KCNH7: variants seen among roughly 807,000 people sequenced by gnomAD.
KCNH7 encodes potassium voltage-gated channel subfamily H member 7, also known as voltage-gated inwardly rectifying potassium channel KCNH7.
Under a neutral mutation model 120.8 loss-of-function variants are expected in KCNH7, and 49 were observed. That is an observed-to-expected ratio of 0.41 (90% CI 0.32 to 0.51). The LOEUF (loss-of-function observed/expected upper bound fraction) is 0.51, where lower values mean the gene tolerates loss of function less well. Among genes scored for constraint, KCNH7 ranks in the 20% least tolerant of loss-of-function variants. KCNH7 has a pLI of 0.38. For synonymous variants in KCNH7, 547 were observed against 516.1 expected, an observed-to-expected ratio of 1.06 and a Z score of -0.81; for missense variants, 1,097 against 1,446.6, an observed-to-expected ratio of 0.76 and a Z score of 3.92.
chr2:162,494,610 A>G (rs751524707), intron 6 of KCNH7, among the ~76,000 whole-genome samples: 8 of 152,182 alleles, frequency 5.3e-5, no homozygotes, highest in Non-Finnish European at 1.0e-4. Context: ...AACCTATTGT[A>G]AACTACAGAA....
chr2:162,721,248 C>T (rs1192775458), intron 2 of KCNH7, among the ~76,000 whole-genome samples: 1 of 152,046 alleles, frequency 6.6e-6, no homozygotes, highest in African/African-American at 2.4e-5. Context: ...TTTAAAATGA[C>T]TTTAATTTTA....
In KCNH7 at chr2:162,791,790, T is replaced by G. The variant is rs1156328043; in HGVS notation, c.307+44747A>C. ...CCTTTACTTCTTTCCCTTGGCTGAT[T>G]GCCCTAGCCAGGACTTCCAATGCTA... On this transcript the variant is annotated intron_variant, in intron 2 of 15. Transcript: ENST00000332142. 2.0e-5 allele frequency among the ~76,000 whole-genome samples: 3 copies of G among 152,142 alleles called. No individual in the cohort carries two copies. In the East Asian group the frequency reaches 5.8e-4, roughly 29 times the overall value.
intron 7 of KCNH7, among the ~76,000 whole-genome samples, chr2:162,436,630 G>A (rs140636397): frequency 6.6e-6 from 1 of 152,192 alleles, no homozygotes; most frequent in East Asian, 1.9e-4. Context: ...GTTACATGGT[G>A]TTTACCAATC....
chr2:162,578,826 TATG>T (rs1387585482), intron 2 of KCNH7, among the ~76,000 whole-genome samples: 1 of 152,000 alleles, frequency 6.6e-6, no homozygotes, highest in African/African-American at 2.4e-5. Flanking sequence ...ATGAACATCT[TATG>T]AGGAAAATCC....
At position 162,811,900 on chromosome 2, in the gene KCNH7, A is replaced by T. The variant is rs552815944; in HGVS notation, c.307+24637T>A. Among the ~76,000 whole-genome samples the T allele has an allele frequency of 4.5e-4, 68 of 152,256 alleles. 1 individual carries two copies. The South Asian group carries it at 0.014, about 31-fold the overall frequency. On this transcript the variant is annotated intron_variant, in intron 2 of 15. Transcript: ENST00000332142. The stretch of plus-strand genomic sequence containing the variant: ...TGGATGGGGTGAAGTATAAAGGGAT[A>T]AAAAAATTAGATAAATTGGGCCTCT...
chr2:162,570,847 T>C (rs993014349), intron 2 of KCNH7, among the ~76,000 whole-genome samples: 1 of 152,012 alleles, frequency 6.6e-6, no homozygotes, highest in Non-Finnish European at 1.5e-5. Context: ...ATTCAACAAC[T>C]CTTCATGCTA....
chr2:162,786,805 T>A (rs2105507947), intron 2 of KCNH7, among the ~76,000 whole-genome samples: 1 of 152,276 alleles, frequency 6.6e-6, no homozygotes, highest in East Asian at 1.9e-4. Context: ...CATGGTGGAA[T>A]AGGAGTTTCC....
intron 2 of KCNH7, among the ~76,000 whole-genome samples, chr2:162,784,178 A>AT (rs1255544134): frequency 1.3e-5 from 2 of 152,162 alleles, no homozygotes; most frequent in African/African-American, 4.8e-5. Context: ...ATGAAAAAAA[A>AT]ATATGCTACT....
chr2:162,762,601 T>G (rs112105520), intron 2 of KCNH7, among the ~76,000 whole-genome samples: 46 of 152,166 alleles, frequency 3.0e-4, no homozygotes, highest in African/African-American at 1.1e-3. Context: ...CATTTAGAAC[T>G]CAGTCTATAT....
intron 2 of KCNH7, among the ~76,000 whole-genome samples, chr2:162,819,554 T>TG (rs1467492122): frequency 1.3e-5 from 2 of 152,220 alleles, no homozygotes; most frequent in African/African-American, 2.4e-5. Flanking sequence ...TTAATTAAAA[T>TG]GATACTAGTA....
chr2:162,515,394 T>A (rs1311650586), intron 4 of KCNH7, among the ~76,000 whole-genome samples: 2 of 151,760 alleles, frequency 1.3e-5, no homozygotes, highest in Non-Finnish European at 2.9e-5. Context: ...TCAAGAAATC[T>A]AATCTAAACT....
intron 2 of KCNH7, among the ~76,000 whole-genome samples, chr2:162,589,142 G>C (rs1202745287): frequency 6.6e-6 from 1 of 152,090 alleles, no homozygotes; most frequent in African/African-American, 2.4e-5. Context: ...AATGCAACTA[G>C]AATTCCAAAT....
At chr2:162,607,141 C>G (rs182144759) in intron 2 of KCNH7, among the ~76,000 whole-genome samples, 280 of 150,832 alleles carry the variant, frequency 1.9e-3, no homozygotes, top group African/African-American at 6.6e-3. Context: ...CTCTGGGAGG[C>G]CGAGGAGGGC....
At chr2:162,488,774 G>A (rs1485978) in intron 6 of KCNH7, among the ~76,000 whole-genome samples, 36,808 of 152,046 alleles carry the variant, frequency 0.24, 8,395 homozygotes, top group African/African-American at 0.59. Context: ...AACTTATACT[G>A]TTGCCAGTAA....
chr2:162,833,286 A>T (rs72623133), intron 2 of KCNH7, among the ~76,000 whole-genome samples: 94 of 35,686 alleles, frequency 2.6e-3, no homozygotes, highest in Non-Finnish European at 6.2e-3. Flanking sequence ...TAACTAAAAT[A>T]TTTTTTTTTT....
At chr2:162,413,835 C>G (rs181761441) in intron 9 of KCNH7, among the ~76,000 whole-genome samples, 1 of 150,786 alleles carries the variant, frequency 6.6e-6, no homozygotes, top group Non-Finnish European at 1.5e-5. Context: ...CTTAAACAAA[C>G]GAACATATTG....
intron 2 of KCNH7, among the ~76,000 whole-genome samples, chr2:162,537,296 G>C (rs1692142427): frequency 6.6e-6 from 1 of 151,864 alleles, no homozygotes; most frequent in African/African-American, 2.4e-5. Context: ...AATAAATTCA[G>C]TTACTGCATT....
chr2:162,579,982 T>G (rs987171189), intron 2 of KCNH7, among the ~76,000 whole-genome samples: 34 of 152,062 alleles, frequency 2.2e-4, no homozygotes, highest in African/African-American at 6.5e-4. Context: ...GACACCCTCC[T>G]GAATAGCTGT....
At chr2:162,797,345 G>T (rs1054827971) in intron 2 of KCNH7, 2 of 152,154 alleles carry the variant, frequency 1.3e-5, no homozygotes, top group South Asian at 4.1e-4. Context: ...TTTATTAATA[G>T]CTTTTAGGAT....
Sources: gnomAD v4.1 joint callset for allele counts (sites outside exome capture counted in the v4.1 genomes callset) on GRCh38, gnomAD v4.1.1 for gene constraint, MANE v1.5 for transcripts, NCBI Gene and HGNC (gene_info 2026-07-23, HGNC 2026-07-21) for gene names.